The following PTPRM variants were observed in gnomAD, a reference collection of about 807,000 sequenced individuals.
The protein encoded by PTPRM is protein tyrosine phosphatase receptor type M, also known as receptor-type tyrosine-protein phosphatase mu.
PTPRM carries 47 observed loss-of-function variants against 186.7 expected under a neutral mutation model. That is an observed-to-expected ratio of 0.25 (90% CI 0.20 to 0.32). The LOEUF is 0.32. PTPRM is among the 10% of genes least tolerant of loss of function. The probability of loss-of-function intolerance (pLI) is 1.00; values close to 1 mark genes in which losing one functional copy is unlikely to be tolerated. For missense variants in PTPRM, 1,494 were observed against 1,865.0 expected, an observed-to-expected ratio of 0.80 and a Z score of 3.66; for synonymous variants, 668 against 674.9, an observed-to-expected ratio of 0.99 and a Z score of 0.16.
chr18:7,790,459 A>G (rs530283611), intron 2 of PTPRM, among the ~76,000 whole-genome samples: 1 of 152,284 alleles, frequency 6.6e-6, no homozygotes, highest in Admixed American at 6.5e-5. Context: ...GGATCAGCAT[A>G]GCGGCTAGAG....
intron 1 of PTPRM, among the ~76,000 whole-genome samples, chr18:7,581,053 C>CT (rs965572474): frequency 2.9e-4 from 44 of 152,272 alleles, no homozygotes; most frequent in African/African-American, 1.0e-3. Context: ...CATCAACTTT[C>CT]TTTTTTCTGT....
Position 8,076,394 on chromosome 18 carries a change from G to T in PTPRM, c.1442-61G>T, listed in dbSNP as rs2089816670. On this transcript the variant is annotated intron_variant, in intron 8 of 32. Coordinates refer to ENST00000580170, the MANE Select transcript of PTPRM (RefSeq NM_001105244.2). ...CAATAGAAGGTTAAAACCAAGTCTA[G>T]AAAAATCTACTTTTTAATTGTTTAT... is the stretch of plus-strand genomic sequence containing the variant. 3 of 1,017,542 alleles carry T rather than the reference G, an allele frequency of 2.9e-6. No homozygotes were observed. The South Asian group carries it at 4.3e-5, about 15-fold the overall frequency. 63.0% of individuals were successfully genotyped at this position (1,017,542 alleles called of 1,614,324 possible).
intron 2 of PTPRM, among the ~76,000 whole-genome samples, chr18:7,782,833 A>G (rs1381993740): frequency 6.6e-6 from 1 of 152,224 alleles, no homozygotes; most frequent in Admixed American, 6.5e-5. Context: ...AAGGGGGCCA[A>G]TGTCAGCCAC....
chr18:8,295,438 C>A (rs1447086135), intron 19 of PTPRM, among the ~76,000 whole-genome samples: 1 of 152,074 alleles, frequency 6.6e-6, no homozygotes, highest in African/African-American at 2.4e-5. Context: ...CACCCTGGAG[C>A]ACATCTGAGG....
chr18:8,097,100 A>C (rs2091049847), intron 11 of PTPRM, among the ~76,000 whole-genome samples: 1 of 152,210 alleles, frequency 6.6e-6, no homozygotes, highest in Non-Finnish European at 1.5e-5. Flanking sequence ...ACCAGCACTT[A>C]TAAGTATACT....
chr18:8,394,299 G>A (rs1025123201), intron 31 of PTPRM, among the ~76,000 whole-genome samples, 177 bp from the exon 32 acceptor site: 7 of 152,142 alleles, frequency 4.6e-5, no homozygotes, highest in African/African-American at 1.7e-4. Context: ...CAAACACTGC[G>A]GATGGCTTGC....
At chr18:7,691,497 C>A (rs907179107) in intron 1 of PTPRM, among the ~76,000 whole-genome samples, 2 of 152,078 alleles carry the variant, frequency 1.3e-5, no homozygotes, top group African/African-American at 4.8e-5. Context: ...AAACCAAATT[C>A]GGTATTTCGG....
At chr18:8,156,682 G>A (rs1051324426) in intron 14 of PTPRM, among the ~76,000 whole-genome samples, 8 of 152,150 alleles carry the variant, frequency 5.3e-5, no homozygotes, top group African/African-American at 1.9e-4. Flanking sequence ...ACCTTGCTCT[G>A]TAAAGCTCAG....
chr18:7,862,746 G>A (rs186034288), intron 2 of PTPRM, among the ~76,000 whole-genome samples: 6 of 152,220 alleles, frequency 3.9e-5, no homozygotes, highest in East Asian at 1.9e-4. Flanking sequence ...TAACAAACTC[G>A]CAGAATCATT....
At chr18:8,244,560 A>G (rs534151799) in intron 15 of PTPRM, among the ~76,000 whole-genome samples, 9 of 152,218 alleles carry the variant, frequency 5.9e-5, no homozygotes, top group Non-Finnish European at 1.3e-4. Flanking sequence ...GGAATTACAC[A>G]TGGGAAGCCT....
chr18:7,964,218 C>T (rs551166597), intron 7 of PTPRM, among the ~76,000 whole-genome samples: 5 of 152,150 alleles, frequency 3.3e-5, no homozygotes, highest in Non-Finnish European at 7.3e-5. Flanking sequence ...TTTAAAAGGA[C>T]TTGGAGCATA....
rs151033356 is a variant in PTPRM at position 8,159,106 on chromosome 18, T to A, written c.2300+15327T>A. On this transcript the variant is annotated intron_variant, in intron 14 of 32. Coordinates refer to ENST00000580170, the MANE Select transcript of PTPRM (RefSeq NM_001105244.2). ...TACCTCTGGAATCTTTAATTTAGAT[T>A]CATTTATAGAAAATTACATAAAATT... 3.2e-3 allele frequency among the ~76,000 whole-genome samples: 489 copies of A among 152,006 alleles called. 4 individuals are homozygous for A. The highest frequency in any genetic ancestry group is 0.011 in the African/African-American group (449 of 41,254).
At chr18:8,252,459 T>C in intron 17 of PTPRM, 29 bp from the exon 18 acceptor site, 1 of 1,525,814 alleles carries the variant, frequency 6.6e-7, no homozygotes, top group Non-Finnish European at 9.1e-7. Context: ...TCTCCTCCTT[T>C]TTTCTCCTGA....
intron 23 of PTPRM, among the ~76,000 whole-genome samples, chr18:8,369,680 G>C (rs1292723402): frequency 2.0e-5 from 3 of 152,200 alleles, no homozygotes; most frequent in Admixed American, 6.5e-5. Flanking sequence ...AGAAGGTTGG[G>C]CACAGCGGCC....
chr18:8,221,625 C>T (rs1441628857), intron 14 of PTPRM, among the ~76,000 whole-genome samples: 1 of 152,164 alleles, frequency 6.6e-6, no homozygotes, highest in Non-Finnish European at 1.5e-5. Flanking sequence ...TGGCATTTGC[C>T]TTGTTTGAAC....
chr18:8,235,987 T>C (rs1448022192), intron 14 of PTPRM, among the ~76,000 whole-genome samples: 1 of 152,210 alleles, frequency 6.6e-6, no homozygotes, highest in Non-Finnish European at 1.5e-5. Flanking sequence ...GTTTAATGGC[T>C]CATGATGCGG....
chr18:7,811,113 C>G (rs1314614469), intron 2 of PTPRM, among the ~76,000 whole-genome samples: 11 of 151,996 alleles, frequency 7.2e-5, no homozygotes, highest in African/African-American at 2.4e-4. Context: ...ATAAAATATG[C>G]AAAAATCAAT....
At chr18:8,338,007 C>T (rs985054679) in intron 22 of PTPRM, among the ~76,000 whole-genome samples, 1 of 151,994 alleles carries the variant, frequency 6.6e-6, no homozygotes, top group Non-Finnish European at 1.5e-5. Context: ...CAGGGGAGGC[C>T]CCATGTGGGT....
intron 2 of PTPRM, among the ~76,000 whole-genome samples, chr18:7,867,896 T>C (rs1466702763): frequency 1.3e-5 from 2 of 152,206 alleles, no homozygotes; most frequent in Admixed American, 1.3e-4. Flanking sequence ...GTTTGTTCCT[T>C]TTCATTGCTT....
Sources: allele counts gnomAD v4.1 joint callset (sites outside exome capture counted in the v4.1 genomes callset), GRCh38; gene constraint gnomAD v4.1.1; transcripts MANE v1.5; gene names NCBI Gene and HGNC (gene_info 2026-07-23, HGNC 2026-07-21).